Variants in SAMD7 observed in about 807,000 individuals in gnomAD.
The protein encoded by SAMD7 is sterile alpha motif domain containing 7.
SAMD7 carries 34 observed loss-of-function variants against 36.7 expected under a neutral mutation model. The observed-to-expected ratio is 0.93, with a 90% CI of 0.71 to 1.23. The LOEUF (loss-of-function observed/expected upper bound fraction) is 1.23. Among genes scored for constraint, SAMD7 ranks in the 50% most tolerant of loss-of-function variants. The probability of loss-of-function intolerance (pLI) is 0.00; values close to 1 mark genes in which losing one functional copy is unlikely to be tolerated. For synonymous variants in SAMD7, 188 were observed against 189.7 expected (o/e 0.99, Z 0.07); for missense variants, 570 against 546.6 (o/e 1.04, Z -0.43).
chr3:169,919,087 A>C (rs1712933545), intron 2 of SAMD7, among the ~76,000 whole-genome samples: 1 of 152,202 alleles, frequency 6.6e-6, no homozygotes. Context: ...CGGAGGTTGC[A>C]GTGAGCCAAG....
At chr3:169,932,567 T>C in intron 7 of SAMD7, 1 of 529,686 alleles carries the variant, frequency 1.9e-6, no homozygotes, top group Non-Finnish European at 3.7e-6. Flanking sequence ...GTTGAGCCCC[T>C]TCCTAACTGT....
At chr3:169,930,230 T>G (rs1042082015) in intron 7 of SAMD7, among the ~76,000 whole-genome samples, 6 of 152,238 alleles carry the variant, frequency 3.9e-5, no homozygotes, top group African/African-American at 1.4e-4. Context: ...TGCTGACTCA[T>G]TATCTCTCAC....
At chr3:169,919,638 C>T in intron 3 of SAMD7, 54 bp downstream of exon 3, 20 of 1,334,654 alleles carry the variant, frequency 1.5e-5, no homozygotes, top group South Asian at 2.3e-5. Flanking sequence ...ACAATCATTA[C>T]GTTTTGGAAT....
At chr3:169,932,986 C>A (rs908086766) in intron 7 of SAMD7, 7 of 718,782 alleles carry the variant, frequency 9.7e-6, no homozygotes, top group African/African-American at 1.7e-5. Context: ...TTCTTTCCCC[C>A]CCTCTATCAG....
chr3:169,920,883 G>T (rs1215246010), intron 3 of SAMD7, among the ~76,000 whole-genome samples: 1 of 152,146 alleles, frequency 6.6e-6, no homozygotes, highest in Admixed American at 6.6e-5. Flanking sequence ...AATGAGAAAA[G>T]AATTTGTGGT....
intron 7 of SAMD7, chr3:169,932,084 A>C: frequency 1.9e-6 from 1 of 524,414 alleles, no homozygotes; most frequent in South Asian, 2.5e-5. Flanking sequence ...ACTTAGATAC[A>C]TCAACTGCCA....
At chr3:169,926,097 G>A in intron 5 of SAMD7, 1 of 408,578 alleles carries the variant, frequency 2.4e-6, no homozygotes, top group Admixed American at 3.4e-5. Flanking sequence ...AGTGAAGTAA[G>A]CAAAACTACC....
chr3:169,913,798 A>T (rs1712695075), intron 1 of SAMD7, among the ~76,000 whole-genome samples: 1 of 152,226 alleles, frequency 6.6e-6, no homozygotes, highest in Non-Finnish European at 1.5e-5. Flanking sequence ...TGAAAATATG[A>T]AAGTTCACAT....
At chr3:169,926,104 TA>T in intron 5 of SAMD7, 2 of 422,438 alleles carry the variant, frequency 4.7e-6, no homozygotes, top group Non-Finnish European at 8.7e-6. Context: ...TAAGCAAAAC[TA>T]CCGAGTCTTT....
intron 7 of SAMD7, 99 bp downstream of exon 7, chr3:169,928,677 G>T (rs554506876): frequency 2.4e-6 from 3 of 1,234,048 alleles, no homozygotes; most frequent in Admixed American, 3.8e-5. Flanking sequence ...CTCCAGAAAG[G>T]ATTCCTACTA....
rs1353645251 is a variant in SAMD7, at chr3:169,921,255, A to G, written c.128A>G (p.Gln43Arg). The change falls in exon 4 of 9, where the codon CAG becomes CGG. Residue 43 changes from glutamine (Q) to arginine (R), a missense_variant. Physicochemically the swap from Gln to Arg is conservative, Grantham distance 43 (BLOSUM62 1). Coordinates refer to ENST00000335556, the MANE Select transcript of SAMD7 (RefSeq NM_001304366.2). ...ACCGTAGCTCCAACTGACCCAAGAC[A>G]GTTTTGCGTTCCTTCCCAATTTGGA... ...PSTVAPTDPR[Q>R]FCVPSQFGSS... The G allele has an allele frequency of 3.7e-6, 6 of 1,613,814 alleles. No homozygotes were observed. The highest frequency in any genetic ancestry group is 1.3e-5 in the African/African-American group (1 of 74,914).
chr3:169,925,572 A>G (rs1713225353), intron 5 of SAMD7, among the ~76,000 whole-genome samples: 1 of 152,030 alleles, frequency 6.6e-6, no homozygotes, highest in African/African-American at 2.4e-5. Flanking sequence ...TAAAAATACA[A>G]AAAAACCAGC....
At chr3:169,911,884 G>A (rs1464337540) in intron 1 of SAMD7, 63 bp downstream of exon 1, 1 of 152,128 alleles carries the variant, frequency 6.6e-6, no homozygotes, top group Non-Finnish European at 1.5e-5. Context: ...TGAGTAAAAT[G>A]TTTCACATAT....
Position 169,938,317 on chromosome 3 carries a change from G to A in SAMD7, c.1153-1G>A, listed in dbSNP as rs186911150. On this transcript the variant is annotated splice_acceptor_variant, in intron 8 of 8. Coordinates refer to ENST00000335556, the MANE Select transcript of SAMD7 (RefSeq NM_001304366.2). LOFTEE classifies it high-confidence loss of function. Reference sequence around the variant, plus strand: ...TTACTATAATTATTTTGTCTTAAAAGGTATCTCAGCATGTGGGAAGTATGT... The same window carrying A: ...TTACTATAATTATTTTGTCTTAAAAAGTATCTCAGCATGTGGGAAGTATGT... 3 of 1,587,772 alleles carry A rather than the reference G, an allele frequency of 1.9e-6. No homozygotes were observed.
chr3:169,915,922 T>A (rs1712779435), intron 2 of SAMD7, among the ~76,000 whole-genome samples: 1 of 152,128 alleles, frequency 6.6e-6, no homozygotes, highest in Non-Finnish European at 1.5e-5. Flanking sequence ...GAAAATTTGA[T>A]ATAAAAGAAC....
chr3:169,936,019 C>A (rs1240495140), intron 7 of SAMD7, among the ~76,000 whole-genome samples: 1 of 152,164 alleles, frequency 6.6e-6, no homozygotes, highest in African/African-American at 2.4e-5. Context: ...TATTGTACAT[C>A]TTCTTACCAT....
At chr3:169,919,725 C>T (rs1559948845) in intron 3 of SAMD7, 141 bp downstream of exon 3, 2 of 725,292 alleles carry the variant, frequency 2.8e-6, no homozygotes, top group East Asian at 5.3e-5. Flanking sequence ...GTCAAGACAC[C>T]CTGCTGGCCT....
At chr3:169,928,816 T>C (rs542767644) in intron 7 of SAMD7, among the ~76,000 whole-genome samples, 2 of 152,192 alleles carry the variant, frequency 1.3e-5, no homozygotes, top group East Asian at 3.9e-4. Flanking sequence ...TTCTTTCCTA[T>C]CAAGACTCCT....
chr3:169,932,018 C>A, intron 7 of SAMD7: 1 of 722,352 alleles, frequency 1.4e-6, no homozygotes, highest in Non-Finnish European at 2.1e-6. Context: ...AGCAGCGAGT[C>A]ATGCTGTTAG....
Sources: gnomAD v4.1 joint callset for allele counts (sites outside exome capture counted in the v4.1 genomes callset) on GRCh38, gnomAD v4.1.1 for gene constraint, MANE v1.5 for transcripts, NCBI Gene and HGNC (gene_info 2026-07-23, HGNC 2026-07-21) for gene names.